The following SNTG1 variants were observed in gnomAD, a reference collection of about 807,000 sequenced individuals.
SNTG1 encodes gamma-1-syntrophin.
SNTG1 carries 39 observed loss-of-function variants against 74.7 expected under a neutral mutation model. That is an observed-to-expected ratio of 0.52 (90% confidence interval 0.40 to 0.68). The LOEUF is 0.68. Ranked by LOEUF, SNTG1 falls within the 30% of genes least tolerant of loss-of-function variation. The pLI is 0.00. For synonymous variants in SNTG1, 254 were observed against 217.1 expected (o/e 1.17, Z -1.49); for missense variants, 685 against 609.5 (o/e 1.12, Z -1.30).
At chr8:50,730,168 A>G (rs2095509624) in intron 17 of SNTG1, among the ~76,000 whole-genome samples, 1 of 152,188 alleles carries the variant, frequency 6.6e-6, no homozygotes, top group Non-Finnish European at 1.5e-5. Context: ...TGAATGAAAG[A>G]AAGTGATTTG....
At chr8:50,000,932 T>TA (rs1255664353) in intron 1 of SNTG1, among the ~76,000 whole-genome samples, 2 of 152,176 alleles carry the variant, frequency 1.3e-5, no homozygotes, top group Non-Finnish European at 2.9e-5. Flanking sequence ...TGCCAAGAGA[T>TA]AGAGTTGTCA....
At chr8:49,923,747 T>A (rs1287411332) in intron 1 of SNTG1, among the ~76,000 whole-genome samples, 1 of 152,168 alleles carries the variant, frequency 6.6e-6, no homozygotes, top group Non-Finnish European at 1.5e-5. Flanking sequence ...TTAGCATATC[T>A]TTTTGTAAAG....
At chr8:50,728,415 C>T (rs1288246606) in intron 17 of SNTG1, among the ~76,000 whole-genome samples, 1 of 152,090 alleles carries the variant, frequency 6.6e-6, no homozygotes, top group Admixed American at 6.5e-5. Flanking sequence ...TCTGCAAGTC[C>T]TAAAATGTTG....
At chr8:49,936,562 T>C (rs1442271412) in intron 1 of SNTG1, among the ~76,000 whole-genome samples, 1 of 152,238 alleles carries the variant, frequency 6.6e-6, no homozygotes, top group East Asian at 1.9e-4. Flanking sequence ...AAAATTCACT[T>C]TGGCACTATT....
At chr8:49,922,115 GACTTTATATCTC>G (rs1192940510) in intron 1 of SNTG1, among the ~76,000 whole-genome samples, 1 of 152,078 alleles carries the variant, frequency 6.6e-6, no homozygotes, top group African/African-American at 2.4e-5. Context: ...TTTGTTAGTA[GACTTTATATCTC>G]ACTGCGGCTC....
chr8:50,603,981 A>G (rs1022623122), intron 13 of SNTG1, among the ~76,000 whole-genome samples: 7 of 152,122 alleles, frequency 4.6e-5, no homozygotes, highest in Admixed American at 6.6e-5. Context: ...GCTACCACCT[A>G]GGTTCACTCA....
intron 1 of SNTG1, among the ~76,000 whole-genome samples, chr8:50,006,309 T>C (rs1815233604): frequency 6.6e-6 from 1 of 152,196 alleles, no homozygotes; most frequent in Non-Finnish European, 1.5e-5. Flanking sequence ...ATTTTCTATA[T>C]TTTCATTTGT....
chr8:50,662,637 C>T (rs1027739067), intron 15 of SNTG1, among the ~76,000 whole-genome samples: 2 of 152,224 alleles, frequency 1.3e-5, no homozygotes, highest in Non-Finnish European at 1.5e-5. Flanking sequence ...TGTCTCTCAG[C>T]GTAAATATTG....
intron 2 of SNTG1, among the ~76,000 whole-genome samples, chr8:50,383,386 G>A (rs977482341): frequency 2.0e-5 from 3 of 152,110 alleles, no homozygotes; most frequent in African/African-American, 4.8e-5. Flanking sequence ...TATGTTAGAT[G>A]ATAAGGGAAT....
chr8:50,413,188 T>G (rs1473727504), intron 4 of SNTG1, among the ~76,000 whole-genome samples: 1 of 152,184 alleles, frequency 6.6e-6, no homozygotes, highest in African/African-American at 2.4e-5. Flanking sequence ...GAGTGTAAAG[T>G]TCAAGAGGGT....
intron 15 of SNTG1, among the ~76,000 whole-genome samples, chr8:50,689,255 C>T (rs2095366831): frequency 6.6e-6 from 1 of 152,114 alleles, no homozygotes; most frequent in African/African-American, 2.4e-5. Context: ...CTTCTCCTGC[C>T]TGATTGCCCT....
chr8:50,288,758 T>C (rs1320350990), intron 2 of SNTG1, among the ~76,000 whole-genome samples: 3 of 152,188 alleles, frequency 2.0e-5, no homozygotes, highest in Non-Finnish European at 2.9e-5. Flanking sequence ...GATGTTGACA[T>C]GTGAGGCTAT....
chr8:50,363,181 T>A lies in SNTG1; in HGVS notation c.-27-31031T>A, dbSNP rs562853025. 2.6e-5 allele frequency among the ~76,000 whole-genome samples: 4 copies of A among 152,342 alleles called. No individual in the cohort carries two copies. In the South Asian group the frequency reaches 8.3e-4, roughly 32 times the overall value. On this transcript the variant is annotated intron_variant, in intron 2 of 18. Coordinates refer to ENST00000642720, the MANE Select transcript of SNTG1 (RefSeq NM_018967.5). ...ACTAAATCATCGACACTTTAGTCAA[T>A]CTTTTACCTAGTCACTCAACCAATA...
At chr8:50,519,653 A>G (rs2130129467) in intron 9 of SNTG1, among the ~76,000 whole-genome samples, 1 of 152,276 alleles carries the variant, frequency 6.6e-6, no homozygotes, top group Non-Finnish European at 1.5e-5. Context: ...ATTCCTATAC[A>G]CCATTAATAG....
At chr8:50,139,302 T>G (rs2081581783) in intron 1 of SNTG1, among the ~76,000 whole-genome samples, 1 of 152,204 alleles carries the variant, frequency 6.6e-6, no homozygotes, top group African/African-American at 2.4e-5. Flanking sequence ...ATCATTTATA[T>G]TTGAACATGC....
intron 1 of SNTG1, among the ~76,000 whole-genome samples, chr8:50,045,703 C>T (rs1819025903): frequency 6.6e-6 from 1 of 152,140 alleles, no homozygotes; most frequent in Admixed American, 6.5e-5. Flanking sequence ...AAAATGATTA[C>T]ATATAGTAAG....
At chr8:49,954,549 T>G (rs977875371) in intron 1 of SNTG1, among the ~76,000 whole-genome samples, 1 of 152,218 alleles carries the variant, frequency 6.6e-6, no homozygotes, top group South Asian at 2.1e-4. Context: ...GTATTTTCTC[T>G]GCAGTTTCTT....
intron 15 of SNTG1, among the ~76,000 whole-genome samples, chr8:50,678,978 G>C (rs1345062173): frequency 1.3e-5 from 2 of 151,936 alleles, no homozygotes; most frequent in Non-Finnish European, 2.9e-5. Flanking sequence ...ATTGTGTCTT[G>C]GAGGTATTGG....
chr8:50,786,574 C>A (rs370544228), intron 18 of SNTG1, among the ~76,000 whole-genome samples: 11 of 151,836 alleles, frequency 7.2e-5, no homozygotes, highest in African/African-American at 2.7e-4. Context: ...GGAGAGAACC[C>A]CCAGTTCCAT....
Sources: allele counts gnomAD v4.1 joint callset (sites outside exome capture counted in the v4.1 genomes callset), GRCh38; gene constraint gnomAD v4.1.1; transcripts MANE v1.5; gene names NCBI Gene and HGNC (gene_info 2026-07-23, HGNC 2026-07-21).